Variants in MNAT1 observed in about 807,000 individuals in gnomAD.
The protein encoded by MNAT1 is MNAT1 component of CDK activating kinase.
A neutral mutation model predicts 42.0 loss-of-function variants in MNAT1; 43 were observed. The ratio of observed to expected loss-of-function variants is 1.02; its 90% CI spans 0.80 to 1.32. MNAT1 has a LOEUF of 1.32. Ranked by LOEUF, MNAT1 falls within the 40% of genes most tolerant of loss-of-function variation. The pLI is 0.00. For missense variants in MNAT1, 306 were observed against 350.4 expected (o/e 0.87, Z 1.01); for synonymous variants, 118 against 120.0 (o/e 0.98, Z 0.11).
At chr14:60,757,176 G>A (rs546309940) in intron 1 of MNAT1, among the ~76,000 whole-genome samples, 2 of 152,192 alleles carry the variant, frequency 1.3e-5, no homozygotes, top group African/African-American at 4.8e-5. Context: ...TAAAACTAAC[G>A]GTGTATGGAG....
chr14:60,743,268 C>T (rs1453822622), intron 1 of MNAT1, among the ~76,000 whole-genome samples: 5 of 151,756 alleles, frequency 3.3e-5, no homozygotes, highest in Admixed American at 6.6e-5. Flanking sequence ...TGATTTCCAT[C>T]TGCCTAAAGA....
At chr14:60,958,219 A>G (rs551883802) in intron 7 of MNAT1, among the ~76,000 whole-genome samples, 1 of 152,334 alleles carries the variant, frequency 6.6e-6, no homozygotes, top group African/African-American at 2.4e-5. Context: ...CAAGTCTAAT[A>G]GTGATGAACT....
chr14:60,841,083 G>A (rs1372073805), intron 6 of MNAT1, among the ~76,000 whole-genome samples: 3 of 152,186 alleles, frequency 2.0e-5, no homozygotes, highest in Admixed American at 2.0e-4. Flanking sequence ...GTTAGGTCAA[G>A]TTACTTGATG....
chr14:60,792,938 G>T (rs554721636), intron 1 of MNAT1, among the ~76,000 whole-genome samples: 1 of 152,166 alleles, frequency 6.6e-6, no homozygotes, highest in African/African-American at 2.4e-5. Flanking sequence ...AGAGGCAAAA[G>T]ATTGCCCATA....
At chr14:60,915,748 T>G (rs1277985183) in intron 7 of MNAT1, among the ~76,000 whole-genome samples, 1 of 152,208 alleles carries the variant, frequency 6.6e-6, no homozygotes, top group African/African-American at 2.4e-5. Context: ...AATTGGTACT[T>G]TTAAAATGTT....
chr14:60,768,746 A>G (rs997570212), intron 1 of MNAT1, among the ~76,000 whole-genome samples: 2 of 152,224 alleles, frequency 1.3e-5, no homozygotes, highest in African/African-American at 2.4e-5. Context: ...ATTCTAAGTA[A>G]CTTGCCTAAG....
intron 7 of MNAT1, among the ~76,000 whole-genome samples, chr14:60,906,512 A>G (rs2035203001): frequency 6.6e-6 from 1 of 152,156 alleles, no homozygotes; most frequent in South Asian, 2.1e-4. Context: ...AGTTCATAAG[A>G]AAGTGGTCAG....
intron 7 of MNAT1, among the ~76,000 whole-genome samples, chr14:60,905,795 G>A (rs2035185164): frequency 6.6e-6 from 1 of 152,126 alleles, no homozygotes; most frequent in Admixed American, 6.5e-5. Context: ...CAGCTGGATT[G>A]GATGACATCC....
intron 1 of MNAT1, among the ~76,000 whole-genome samples, chr14:60,767,661 T>C (rs1455995996): frequency 1.3e-5 from 2 of 152,168 alleles, no homozygotes; most frequent in African/African-American, 4.8e-5. Context: ...AGTGCAATGG[T>C]GTGATCTTGG....
At chr14:60,846,727 C>G (rs2033692453) in intron 6 of MNAT1, among the ~76,000 whole-genome samples, 1 of 152,072 alleles carries the variant, frequency 6.6e-6, no homozygotes, top group Non-Finnish European at 1.5e-5. Flanking sequence ...TGTATGATCC[C>G]AATTTTTAAA....
At chr14:60,958,584 T>C (rs553520294) in intron 7 of MNAT1, among the ~76,000 whole-genome samples, 3 of 132,382 alleles carry the variant, frequency 2.3e-5, no homozygotes, top group South Asian at 5.0e-4. Flanking sequence ...TTTCTGACAG[T>C]ATTTCTTTCT....
chr14:60,958,632 G>GGCT (rs1376373417), intron 7 of MNAT1, among the ~76,000 whole-genome samples: 1 of 72,366 alleles, frequency 1.4e-5, no homozygotes, highest in African/African-American at 4.7e-5. Context: ...TCGAGACAAG[G>GGCT]TCTTTTTTTT....
At chr14:60,967,026 C>T (rs1057383255) in intron 7 of MNAT1, among the ~76,000 whole-genome samples, 7 of 151,994 alleles carry the variant, frequency 4.6e-5, no homozygotes, top group South Asian at 2.1e-4. Context: ...TTCTTCCTTC[C>T]GCTTTCCCCT....
intron 1 of MNAT1, among the ~76,000 whole-genome samples, chr14:60,762,916 A>T (rs1276241865): frequency 2.0e-5 from 3 of 152,146 alleles, no homozygotes; most frequent in African/African-American, 7.2e-5. Flanking sequence ...CTTGTAGCTC[A>T]GTTTGCAGTT....
At chr14:60,829,940 G>A (rs2033167913) in intron 6 of MNAT1, among the ~76,000 whole-genome samples, 1 of 152,110 alleles carries the variant, frequency 6.6e-6, no homozygotes, top group Admixed American at 6.6e-5. Context: ...TATAACATTT[G>A]CAAAGCAGTG....
intron 7 of MNAT1, among the ~76,000 whole-genome samples, chr14:60,926,090 G>A (rs757492548): frequency 6.6e-6 from 1 of 152,102 alleles, no homozygotes; most frequent in Admixed American, 6.6e-5. Flanking sequence ...GAAATCCCTA[G>A]TAGTTAAAAG....
In MNAT1 at chr14:60,752,380, TTTAAAA is replaced by T. The variant is rs549085441; in HGVS notation, c.89+17431_89+17436del. 3.5e-4 allele frequency among the ~76,000 whole-genome samples: 53 copies of T among 152,342 alleles called. 1 individual carries two copies. Among genetic ancestry groups the T allele is most frequent in the African/African-American group, 1.3e-3 (53 of 41,578 alleles). Reference sequence around the variant, plus strand: ...TATTTGCATTTTTTAAAAAATGTATTTTAAAATAGATTTATTTTAAGCATGTCTATT... The same window carrying T: ...TATTTGCATTTTTTAAAAAATGTATTTAGATTTATTTTAAGCATGTCTATT... On this transcript the variant is annotated intron_variant, in intron 1 of 7. Coordinates refer to ENST00000261245, the MANE Select transcript of MNAT1 (RefSeq NM_002431.4).
intron 7 of MNAT1, among the ~76,000 whole-genome samples, chr14:60,907,035 T>G (rs2035214723): frequency 1.3e-5 from 2 of 152,172 alleles, no homozygotes; most frequent in African/African-American, 4.8e-5. Flanking sequence ...TATATGGTTT[T>G]GGAATTTTTC....
chr14:60,735,649 C>T (rs975806317), intron 1 of MNAT1, among the ~76,000 whole-genome samples: 1 of 152,166 alleles, frequency 6.6e-6, no homozygotes, highest in Non-Finnish European at 1.5e-5. Context: ...CTCAAGGTCC[C>T]TTATTAAGTG....
Sources: allele counts gnomAD v4.1 joint callset (sites outside exome capture counted in the v4.1 genomes callset), GRCh38; gene constraint gnomAD v4.1.1; transcripts MANE v1.5; gene names NCBI Gene and HGNC (gene_info 2026-07-23, HGNC 2026-07-21).